Variants in DLG2 observed in about 807,000 individuals in gnomAD.
DLG2 encodes discs large MAGUK scaffold protein 2, also known as disks large homolog 2.
DLG2 carries 45 observed loss-of-function variants against 132.5 expected under a neutral mutation model. That is an observed-to-expected ratio of 0.34 (90% CI 0.27 to 0.44). The LOEUF is 0.44. DLG2 is among the 20% of genes least tolerant of loss of function. The pLI, the probability that DLG2 is intolerant of heterozygous loss-of-function variation, is 1.00. For missense variants in DLG2, 1,045 were observed against 1,196.9 expected, an observed-to-expected ratio of 0.87 and a Z score of 1.87; for synonymous variants, 424 against 419.6, an observed-to-expected ratio of 1.01 and a Z score of -0.13.
chr11:84,627,466 C>T (rs1434885068), intron 6 of DLG2, among the ~76,000 whole-genome samples: 1 of 152,202 alleles, frequency 6.6e-6, no homozygotes, highest in Non-Finnish European at 1.5e-5. Context: ...CCATATTATT[C>T]TGTTACTATA....
At chr11:84,835,116 C>A (rs745693661) in intron 6 of DLG2, among the ~76,000 whole-genome samples, 2 of 151,652 alleles carry the variant, frequency 1.3e-5, no homozygotes, top group African/African-American at 2.4e-5. Flanking sequence ...ACTGAAGATA[C>A]CCTTGGTAAT....
intron 3 of DLG2, among the ~76,000 whole-genome samples, chr11:85,384,877 A>G (rs888319174): frequency 6.6e-6 from 1 of 152,212 alleles, no homozygotes; most frequent in Non-Finnish European, 1.5e-5. Context: ...TGACCAAGTT[A>G]TTAAATCTTA....
chr11:85,182,014 A>C (rs1259905643), intron 4 of DLG2, among the ~76,000 whole-genome samples: 1 of 151,964 alleles, frequency 6.6e-6, no homozygotes, highest in Non-Finnish European at 1.5e-5. Flanking sequence ...GTGATGAAGA[A>C]AGTACACATT....
At chr11:85,145,154 C>T (rs1223004849) in intron 5 of DLG2, among the ~76,000 whole-genome samples, 1 of 151,862 alleles carries the variant, frequency 6.6e-6, no homozygotes, top group African/African-American at 2.4e-5. Context: ...TGTCATGCAC[C>T]TCTATCTTGG....
chr11:84,111,190 A>T (rs1034994729), intron 9 of DLG2, among the ~76,000 whole-genome samples: 4 of 152,212 alleles, frequency 2.6e-5, no homozygotes, highest in African/African-American at 9.7e-5. Flanking sequence ...CTGTACATGA[A>T]CAGAACTGAA....
At chr11:84,615,838 A>C (rs2099603330) in intron 6 of DLG2, among the ~76,000 whole-genome samples, 1 of 146,636 alleles carries the variant, frequency 6.8e-6, no homozygotes, top group South Asian at 2.2e-4. Flanking sequence ...AAAAAAAAAA[A>C]AACTTCATTC....
chr11:85,322,488 CT>C (rs2081142643), intron 3 of DLG2, among the ~76,000 whole-genome samples: 1 of 152,104 alleles, frequency 6.6e-6, no homozygotes, highest in African/African-American at 2.4e-5. Context: ...GATTATCAAC[CT>C]CAGATTAGTG....
chr11:83,940,040 T>A (rs1172960260), intron 14 of DLG2, among the ~76,000 whole-genome samples: 1 of 152,258 alleles, frequency 6.6e-6, no homozygotes, highest in African/African-American at 2.4e-5. Context: ...TTTAGTCTTC[T>A]GTGCCTGTTA....
intron 6 of DLG2, among the ~76,000 whole-genome samples, chr11:84,881,967 T>C (rs959259768): frequency 6.6e-6 from 1 of 152,152 alleles, no homozygotes; most frequent in South Asian, 2.1e-4. Context: ...TTAATATACT[T>C]TCAAAATATA....
At chr11:84,714,604 T>A (rs1217422612) in intron 6 of DLG2, among the ~76,000 whole-genome samples, 3 of 114,274 alleles carry the variant, frequency 2.6e-5, no homozygotes, top group Non-Finnish European at 5.4e-5. Flanking sequence ...TTTCTTTCTC[T>A]TTCTCTTTCT....
intron 15 of DLG2, among the ~76,000 whole-genome samples, chr11:83,925,913 A>G (rs991993364): frequency 9.9e-5 from 15 of 152,108 alleles, no homozygotes; most frequent in African/African-American, 3.1e-4. Flanking sequence ...TTTTCAAAGA[A>G]AAAGAGATGT....
Position 85,358,085 on chromosome 11 carries a change from T to C in DLG2, c.41-72720A>G, listed in dbSNP as rs530243268. Among the ~76,000 whole-genome samples, 5 of 150,698 alleles carry C rather than the reference T, an allele frequency of 3.3e-5. No individual in the cohort carries two copies. The South Asian group carries it at 6.3e-4, about 19-fold the overall frequency. On this transcript the variant is annotated intron_variant, in intron 3 of 27. Coordinates refer to ENST00000376104, the MANE Select transcript of DLG2 (RefSeq NM_001142699.3). ...TAGAAAAGAAATATGGAAAATCGCC[T>C]GAAAAACAAAAAAAAGAACAGAAGG...
intron 6 of DLG2, among the ~76,000 whole-genome samples, chr11:84,821,348 G>C (rs2077652997): frequency 6.6e-6 from 1 of 151,534 alleles, no homozygotes; most frequent in African/African-American, 2.4e-5. Flanking sequence ...AGGCTTTCTG[G>C]GCCCTATGTC....
intron 10 of DLG2, among the ~76,000 whole-genome samples, chr11:84,085,532 G>A (rs1349221507): frequency 6.6e-6 from 1 of 152,160 alleles, no homozygotes; most frequent in African/African-American, 2.4e-5. Context: ...TTCTCAGGCT[G>A]TCAACAAATG....
At chr11:85,193,073 C>G (rs181971977) in intron 4 of DLG2, among the ~76,000 whole-genome samples, 6 of 152,274 alleles carry the variant, frequency 3.9e-5, no homozygotes, top group Non-Finnish European at 8.8e-5. Flanking sequence ...TATTCATTAG[C>G]AGTTACTGTC....
At chr11:84,799,119 C>T (rs770900890) in intron 6 of DLG2, among the ~76,000 whole-genome samples, 30 of 152,190 alleles carry the variant, frequency 2.0e-4, no homozygotes, top group African/African-American at 6.3e-4. Flanking sequence ...AGGCCCACAA[C>T]GGCCTCAAGG....
At chr11:85,466,366 T>C (rs1191963089) in intron 3 of DLG2, among the ~76,000 whole-genome samples, 4 of 152,228 alleles carry the variant, frequency 2.6e-5, no homozygotes, top group African/African-American at 7.2e-5. Flanking sequence ...TTTGGTGTTT[T>C]AGACATGAAG....
At chr11:84,901,276 C>G (rs1342342569) in intron 6 of DLG2, among the ~76,000 whole-genome samples, 1 of 151,928 alleles carries the variant, frequency 6.6e-6, no homozygotes, top group African/African-American at 2.4e-5. Context: ...TTTTAGTAAG[C>G]CCAAGGCTTC....
intron 7 of DLG2, among the ~76,000 whole-genome samples, chr11:84,289,819 C>T (rs1167739317): frequency 6.6e-6 from 1 of 152,146 alleles, no homozygotes; most frequent in Non-Finnish European, 1.5e-5. Context: ...TCTCTACTTC[C>T]AGCCTATGCG....
Sources: allele counts gnomAD v4.1 joint callset (sites outside exome capture counted in the v4.1 genomes callset), GRCh38; gene constraint gnomAD v4.1.1; transcripts MANE v1.5; gene names NCBI Gene and HGNC (gene_info 2026-07-23, HGNC 2026-07-21).